The following SLC24A3 variants were observed in gnomAD, a reference collection of about 807,000 sequenced individuals.
The protein encoded by SLC24A3 is sodium/potassium/calcium exchanger 3.
In SLC24A3, 28 loss-of-function variants were observed where a neutral mutation model predicts 75.8. That is an observed-to-expected ratio of 0.37 (90% confidence interval 0.27 to 0.51). The LOEUF (loss-of-function observed/expected upper bound fraction) is 0.51. SLC24A3 is among the 20% of genes least tolerant of loss of function. The probability of loss-of-function intolerance (pLI) is 0.94; values close to 1 mark genes in which losing one functional copy is unlikely to be tolerated. For missense variants in SLC24A3, 663 were observed against 847.8 expected, an observed-to-expected ratio of 0.78 and a Z score of 2.71; for synonymous variants, 372 against 334.1, an observed-to-expected ratio of 1.11 and a Z score of -1.24.
In SLC24A3 at chr20:19,681,902, G is replaced by A. The variant is rs2032619609; in HGVS notation, c.812G>A (p.Gly271Asp). Residue 271 changes from glycine to aspartate, a missense_variant, in exon 10 of 17, where the codon GGT becomes GAT. Gly to Asp is a moderately conservative substitution (Grantham distance 94). Coordinates refer to ENST00000328041, the MANE Select transcript of SLC24A3 (RefSeq NM_020689.4). ...IHQCFERRTK[G>D]AGNMVNGLAN... ...CAGTGCTTTGAGAGGAGGACAAAAG[G>A]TGCCGGGAACATGGTCAACGGATTG... 1 of 1,614,144 alleles carries A rather than the reference G, an allele frequency of 6.2e-7. No individual in the cohort carries two copies.
intron 15 of SLC24A3, among the ~76,000 whole-genome samples, chr20:19,714,889 T>A (rs1215751507): frequency 6.6e-6 from 1 of 152,248 alleles, no homozygotes; most frequent in Non-Finnish European, 1.5e-5. Context: ...TTGCTGTCAC[T>A]GGCTCTTGGT....
chr20:19,223,316 T>C (rs1465363018), intron 1 of SLC24A3, among the ~76,000 whole-genome samples: 1 of 152,082 alleles, frequency 6.6e-6, no homozygotes, highest in Non-Finnish European at 1.5e-5. Flanking sequence ...GGGGGAGAAG[T>C]AATACAGAGA....
intron 2 of SLC24A3, among the ~76,000 whole-genome samples, chr20:19,397,146 A>G (rs780857213): frequency 3.9e-5 from 6 of 152,204 alleles, no homozygotes; most frequent in Admixed American, 3.3e-4. Flanking sequence ...TTCAGTCTCA[A>G]TGTAAACATA....
intron 2 of SLC24A3, among the ~76,000 whole-genome samples, chr20:19,377,402 CTG>C (rs1253888650): frequency 6.6e-6 from 1 of 152,156 alleles, no homozygotes; most frequent in African/African-American, 2.4e-5. Flanking sequence ...AGCAGCATGA[CTG>C]TGTTACAAGC....
intron 2 of SLC24A3, among the ~76,000 whole-genome samples, chr20:19,407,624 TAGAA>T (rs1986671762): frequency 6.6e-6 from 1 of 152,188 alleles, no homozygotes; most frequent in Non-Finnish European, 1.5e-5. Flanking sequence ...ATCTCAGACA[TAGAA>T]AGAAAAGAAA....
At chr20:19,594,834 C>T (rs906736872) in intron 6 of SLC24A3, among the ~76,000 whole-genome samples, 1 of 151,950 alleles carries the variant, frequency 6.6e-6, no homozygotes, top group Non-Finnish European at 1.5e-5. Context: ...GCATGGTAAG[C>T]GTTAAAGAAA....
rs773651309 is a variant in SLC24A3 at position 19,255,620 on chromosome 20, A to G, written c.143-25339A>G. Among the ~76,000 whole-genome samples, 7 of 152,182 alleles carry G rather than the reference A, an allele frequency of 4.6e-5. No homozygotes were observed. The East Asian group carries it at 7.7e-4, about 17-fold the overall frequency. On this transcript the variant is annotated intron_variant, in intron 1 of 16. Transcript: ENST00000328041. The stretch of plus-strand genomic sequence containing the variant: ...CTTGGGGCAAGTCATTGTCCTTCCA[A>G]TGCCATACTTAGTTTCTTAAAAAGA...
At chr20:19,561,886 A>G (rs937900081) in intron 3 of SLC24A3, among the ~76,000 whole-genome samples, 1 of 152,164 alleles carries the variant, frequency 6.6e-6, no homozygotes, top group East Asian at 1.9e-4. Context: ...TTGTAACCAC[A>G]GTATCGTTAC....
At chr20:19,218,060 C>G (rs939187616) in intron 1 of SLC24A3, among the ~76,000 whole-genome samples, 3 of 152,064 alleles carry the variant, frequency 2.0e-5, no homozygotes, top group Non-Finnish European at 4.4e-5. Context: ...CAGTCACTGG[C>G]CCCATAGTAG....
At chr20:19,351,611 C>T (rs774220633) in intron 2 of SLC24A3, among the ~76,000 whole-genome samples, 1 of 152,154 alleles carries the variant, frequency 6.6e-6, no homozygotes, top group East Asian at 1.9e-4. Context: ...CTCCCAGCCT[C>T]CCCTAGGACT....
chr20:19,515,399 G>A (rs2029966304), intron 2 of SLC24A3, 89 bp from the exon 3 acceptor site: 2 of 1,181,754 alleles, frequency 1.7e-6, no homozygotes, highest in Non-Finnish European at 2.5e-6. Context: ...CAAGTTCATG[G>A]ACCCCATGTT....
At chr20:19,313,893 T>G (rs779949513) in intron 2 of SLC24A3, among the ~76,000 whole-genome samples, 1 of 152,180 alleles carries the variant, frequency 6.6e-6, no homozygotes, top group Non-Finnish European at 1.5e-5. Context: ...GCTGCTCCAC[T>G]TCAACCCCAT....
Position 19,494,713 on chromosome 20 carries a change from T to C in SLC24A3, c.272-20775T>C, listed in dbSNP as rs146371692. Among the ~76,000 whole-genome samples, 26 of 152,284 alleles carry C rather than the reference T, an allele frequency of 1.7e-4. No individual in the cohort carries two copies. In the East Asian group the frequency reaches 4.6e-3, roughly 27 times the overall value. On this transcript the variant is annotated intron_variant, in intron 2 of 16. Coordinates refer to ENST00000328041, the MANE Select transcript of SLC24A3 (RefSeq NM_020689.4). ...TTGGGACAGAAGGAGCTAGACCCAC[T>C]CATCCAGCTTTGGGCTGCAGTGACT...
intron 6 of SLC24A3, among the ~76,000 whole-genome samples, chr20:19,612,869 C>G (rs1173570289): frequency 6.6e-6 from 1 of 152,210 alleles, no homozygotes; most frequent in African/African-American, 2.4e-5. Flanking sequence ...CACCCTCCAC[C>G]AGGGTCCCAT....
At chr20:19,331,345 A>C (rs1984994576) in intron 2 of SLC24A3, among the ~76,000 whole-genome samples, 1 of 152,160 alleles carries the variant, frequency 6.6e-6, no homozygotes, top group African/African-American at 2.4e-5. Flanking sequence ...AATGGTATAG[A>C]TAGATGGATG....
At chr20:19,707,982 A>T (rs777993892) in intron 15 of SLC24A3, among the ~76,000 whole-genome samples, 12 of 152,118 alleles carry the variant, frequency 7.9e-5, no homozygotes, top group Non-Finnish European at 1.8e-4. Context: ...GTAAGTGTAG[A>T]TAGAGGAGAG....
intron 2 of SLC24A3, among the ~76,000 whole-genome samples, chr20:19,294,611 C>T (rs1425211151): frequency 2.0e-5 from 3 of 152,124 alleles, no homozygotes; most frequent in African/African-American, 7.2e-5. Flanking sequence ...GCAAAGGACA[C>T]TATCTCATTC....
intron 6 of SLC24A3, among the ~76,000 whole-genome samples, chr20:19,642,207 C>G (rs768595639): frequency 4.3e-4 from 65 of 152,178 alleles, no homozygotes; most frequent in Non-Finnish European, 7.5e-4. Context: ...CCTGACAGCC[C>G]CATATCATTC....
At chr20:19,520,356 G>A (rs897882565) in intron 3 of SLC24A3, among the ~76,000 whole-genome samples, 5 of 152,184 alleles carry the variant, frequency 3.3e-5, no homozygotes, top group Admixed American at 3.3e-4. Flanking sequence ...TGGAGTTGCT[G>A]CCATCTGCAC....
Sources: gnomAD v4.1 joint callset for allele counts (sites outside exome capture counted in the v4.1 genomes callset) on GRCh38, gnomAD v4.1.1 for gene constraint, MANE v1.5 for transcripts, NCBI Gene and HGNC (gene_info 2026-07-23, HGNC 2026-07-21) for gene names.